Variants in PRMT8 observed in about 807,000 individuals in gnomAD.
The protein encoded by PRMT8 is protein arginine N-methyltransferase 8.
PRMT8 carries 7 observed loss-of-function variants against 47.1 expected under a neutral mutation model. The observed-to-expected ratio is 0.15, with a 90% CI of 0.08 to 0.28. The LOEUF (loss-of-function observed/expected upper bound fraction) is 0.28. PRMT8 is among the 10% of genes least tolerant of loss of function. The pLI, the probability that PRMT8 is intolerant of heterozygous loss-of-function variation, is 1.00. For synonymous variants in PRMT8, 188 were observed against 186.5 expected, an observed-to-expected ratio of 1.01 and a Z score of -0.07; for missense variants, 237 against 505.4, an observed-to-expected ratio of 0.47 and a Z score of 5.09.
At chr12:3,513,393 T>A (rs1445362107) in intron 1 of PRMT8, among the ~76,000 whole-genome samples, 1 of 152,160 alleles carries the variant, frequency 6.6e-6, no homozygotes, top group Admixed American at 6.5e-5. Flanking sequence ...TTCCCTTATA[T>A]TTTGGCTTGA....
At chr12:3,400,486 A>G (rs1170748469) in intron 1 of PRMT8, among the ~76,000 whole-genome samples, 1 of 152,226 alleles carries the variant, frequency 6.6e-6, no homozygotes, top group Admixed American at 6.5e-5. Flanking sequence ...GAAAAGACCA[A>G]TCAGGAGTTC....
chr12:3,455,686 C>CG (rs1185505407), intron 1 of PRMT8, among the ~76,000 whole-genome samples: 2 of 152,104 alleles, frequency 1.3e-5, no homozygotes, highest in Non-Finnish European at 2.9e-5. Context: ...GGAGGGTCAG[C>CG]GGGGGGTGGG....
chr12:3,517,186 C>T (rs996841645), intron 1 of PRMT8, among the ~76,000 whole-genome samples: 4 of 152,112 alleles, frequency 2.6e-5, no homozygotes, highest in Admixed American at 6.5e-5. Flanking sequence ...TGGGTGTGCC[C>T]GCTCATCAGA....
At chr12:3,488,326 G>A (rs1246220316), upstream of PRMT8, among the ~76,000 whole-genome samples, 1 of 152,096 alleles carries the variant, frequency 6.6e-6, no homozygotes, top group Non-Finnish European at 1.5e-5. Flanking sequence ...CCATGAGATA[G>A]GCATTGTTCT....
intron 4 of PRMT8, among the ~76,000 whole-genome samples, chr12:3,568,288 T>C (rs757000069): frequency 2.6e-5 from 4 of 151,774 alleles, no homozygotes; most frequent in African/African-American, 4.8e-5. Flanking sequence ...AGGGCTGGCC[T>C]TGCTGTCTCA....
chr12:3,554,528 C>G (rs1866490601), intron 4 of PRMT8, among the ~76,000 whole-genome samples: 1 of 152,162 alleles, frequency 6.6e-6, no homozygotes, highest in African/African-American at 2.4e-5. Context: ...GCAATACAGA[C>G]AGGGAGGTGA....
intron 1 of PRMT8, among the ~76,000 whole-genome samples, chr12:3,459,926 C>G (rs796349390): frequency 2.6e-5 from 4 of 152,256 alleles, no homozygotes; most frequent in African/African-American, 7.2e-5. Context: ...TGAGAGGCCC[C>G]CGTGCCCTCC....
At chr12:3,571,781 C>A (rs1866851766) in intron 6 of PRMT8, among the ~76,000 whole-genome samples, 1 of 152,056 alleles carries the variant, frequency 6.6e-6, no homozygotes, top group African/African-American at 2.4e-5. Context: ...TGAAAATAAT[C>A]TATTTTTTTG....
intron 2 of PRMT8, among the ~76,000 whole-genome samples, chr12:3,545,665 G>A (rs1003905820): frequency 3.3e-5 from 5 of 152,268 alleles, no homozygotes; most frequent in African/African-American, 9.6e-5. Context: ...GAGGTGACAC[G>A]TTACAAAGCC....
chr12:3,527,324 A>G lies in PRMT8; in HGVS notation c.76-13282A>G, dbSNP rs188701291. On this transcript the variant is annotated intron_variant, in intron 1 of 9. Transcript: ENST00000382622. ...GATAACCAAGACAGTTAAGCTACTA[A>G]GTGACTAATGGGCGGGCAGCATATA... Among the ~76,000 whole-genome samples, 15 of 152,212 alleles carry G rather than the reference A, an allele frequency of 9.9e-5. 1 individual carries two copies. The highest frequency in any genetic ancestry group is 7.9e-4 in the Admixed American group (12 of 15,270).
intron 8 of PRMT8, among the ~76,000 whole-genome samples, chr12:3,589,174 T>G (rs1189080376): frequency 3.3e-5 from 5 of 152,206 alleles, no homozygotes; most frequent in Non-Finnish European, 5.9e-5. Flanking sequence ...AACGCATCTT[T>G]CCATTAAGGA....
rs551681145 is a variant in PRMT8, at chr12:3,412,079, T to TA, written c.48+30638dup. The stretch of plus-strand genomic sequence containing the variant: ...TGATTTTATTGTTGTACTAACGTCA[T>TA]AGAGTGTACTCACACAAACCTAGAT... On this transcript the variant is annotated intron_variant, in intron 1 of 9. Transcript: ENST00000452611. Among the ~76,000 whole-genome samples, 63 of 152,332 alleles carry TA rather than the reference T, an allele frequency of 4.1e-4. 1 individual carries two copies. The East Asian group carries it at 0.012, about 29-fold the overall frequency.
In PRMT8 at chr12:3,557,159, T is replaced by G. The variant is rs1023815773; in HGVS notation, c.481+3445T>G. ...GGGGAGTGAGGATTGCTGCGATGTG[T>G]CTGATGCCTGTAGAGATGTGTGACC... is the stretch of plus-strand genomic sequence containing the variant. On this transcript the variant is annotated intron_variant, in intron 4 of 9. Transcript: ENST00000382622. The surrounding 1 kb of genome is among the most constrained non-coding windows in gnomAD (Gnocchi z 4.7). 2.6e-5 allele frequency among the ~76,000 whole-genome samples: 4 copies of G among 152,088 alleles called. No individual in the cohort carries two copies. The highest frequency in any genetic ancestry group is 9.7e-5 in the African/African-American group (4 of 41,390).
intron 1 of PRMT8, among the ~76,000 whole-genome samples, chr12:3,452,300 C>A (rs1018181132): frequency 3.5e-5 from 5 of 143,388 alleles, no homozygotes; most frequent in African/African-American, 1.3e-4. Context: ...GCACATGTGC[C>A]CCTGAACCTA....
chr12:3,537,664 C>G (rs1866142606), intron 1 of PRMT8, among the ~76,000 whole-genome samples: 2 of 152,168 alleles, frequency 1.3e-5, no homozygotes, highest in Admixed American at 1.3e-4. Context: ...CACCATTTCC[C>G]TAGTCACCCA....
At chr12:3,468,256 G>A (rs1565415141) in intron 1 of PRMT8, among the ~76,000 whole-genome samples, 2 of 152,184 alleles carry the variant, frequency 1.3e-5, no homozygotes, top group African/African-American at 4.8e-5. Flanking sequence ...TTCTTACCTA[G>A]AAGACGAGAA....
At chr12:3,483,752 A>G (rs1258532723) in intron 1 of PRMT8, among the ~76,000 whole-genome samples, 1 of 152,258 alleles carries the variant, frequency 6.6e-6, no homozygotes, top group Non-Finnish European at 1.5e-5. Flanking sequence ...GTAAAAATAC[A>G]TAATACATAC....
At chr12:3,422,609 C>T (rs11062643) in intron 1 of PRMT8, among the ~76,000 whole-genome samples, 7,044 of 152,222 alleles carry the variant, frequency 0.046, 553 homozygotes, top group African/African-American at 0.16. Flanking sequence ...GTAATCAGGA[C>T]GGAACAGAAC....
rs1555085718 is a variant in PRMT8 at position 3,496,214 on chromosome 12, A to ATTTTTTTTTTT, written c.75+4530_75+4540dup. On this transcript the variant is annotated intron_variant, in intron 1 of 9. Coordinates refer to ENST00000382622, the MANE Select transcript of PRMT8 (RefSeq NM_019854.5). ...TTTGGAAACTGATATATATATATATATTTTTTTTTTTTTTTTTTTTTTTTT... is the reference window on the plus strand; with the variant it reads ...TTTGGAAACTGATATATATATATATATTTTTTTTTTTTTTTTTTTTTTTTTTTTTTTTTTTT... 6.5e-4 allele frequency among the ~76,000 whole-genome samples: 18 copies of ATTTTTTTTTTT among 27,776 alleles called. 2 individuals carry two copies. The highest frequency in any genetic ancestry group is 8.8e-4 in the African/African-American group (10 of 11,360). 18.2% of individuals were successfully genotyped at this position (27,776 alleles called of 152,430 possible). A position where few individuals can be genotyped will look rare whatever the true frequency, so the allele number is the denominator to read the frequency against.
Sources: gnomAD v4.1 joint callset for allele counts (sites outside exome capture counted in the v4.1 genomes callset) on GRCh38, gnomAD v4.1.1 for gene constraint, Gnocchi (gnomAD v3.1) non-coding constraint, MANE v1.5 for transcripts, NCBI Gene and HGNC (gene_info 2026-07-23, HGNC 2026-07-21) for gene names.